The following NDFIP1 variants were observed in gnomAD, a reference collection of about 807,000 sequenced individuals.
The protein encoded by NDFIP1 is NEDD4 family-interacting protein 1.
Under a neutral mutation model 28.8 loss-of-function variants are expected in NDFIP1, and 7 were observed. That is an observed-to-expected ratio of 0.24 (90% CI 0.14 to 0.46). The LOEUF (loss-of-function observed/expected upper bound fraction) is 0.46. NDFIP1 is among the 20% of genes least tolerant of loss of function. The probability of loss-of-function intolerance (pLI) is 0.99; values close to 1 mark genes in which losing one functional copy is unlikely to be tolerated. For missense variants in NDFIP1, 194 were observed against 269.1 expected (o/e 0.72, Z 1.95); for synonymous variants, 92 against 101.0 (o/e 0.91, Z 0.53).
At chr5:142,124,666 T>C (rs1048145459) in intron 1 of NDFIP1, among the ~76,000 whole-genome samples, 2 of 152,244 alleles carry the variant, frequency 1.3e-5, no homozygotes, top group Non-Finnish European at 2.9e-5. Flanking sequence ...ATTACTTAGT[T>C]TTTCCTTTGG....
intron 1 of NDFIP1, among the ~76,000 whole-genome samples, chr5:142,125,951 G>A (rs139894802): frequency 6.6e-6 from 1 of 152,068 alleles, no homozygotes; most frequent in African/African-American, 2.4e-5. Flanking sequence ...TTATAATTGG[G>A]TTGCCTTTTT....
chr5:142,109,398 A>G (rs969005681), intron 1 of NDFIP1, among the ~76,000 whole-genome samples: 1 of 152,358 alleles, frequency 6.6e-6, no homozygotes, highest in Admixed American at 6.5e-5. Context: ...TGGAAAAGAA[A>G]GAAAGAAAAA....
At chr5:142,137,009 T>G (rs1302059201) in intron 4 of NDFIP1, among the ~76,000 whole-genome samples, 1 of 141,494 alleles carries the variant, frequency 7.1e-6, no homozygotes, top group Non-Finnish European at 1.5e-5. Context: ...AGGCAGAGAT[T>G]GCAGTGAGCC....
chr5:142,134,083 G>C (rs932351443), intron 3 of NDFIP1: 3 of 152,218 alleles, frequency 2.0e-5, no homozygotes, highest in Non-Finnish European at 4.4e-5. Context: ...AGAAAGTCCT[G>C]ACTACAACTG....
chr5:142,146,332 G>C (rs1757388313), intron 7 of NDFIP1, among the ~76,000 whole-genome samples: 1 of 152,174 alleles, frequency 6.6e-6, no homozygotes, highest in Non-Finnish European at 1.5e-5. Flanking sequence ...ACTGGCCTGG[G>C]CCTTAATGCC....
intron 1 of NDFIP1, among the ~76,000 whole-genome samples, chr5:142,127,079 GATCTCA>G (rs1757177443): frequency 2.0e-5 from 3 of 152,080 alleles, no homozygotes; most frequent in Admixed American, 1.3e-4. Flanking sequence ...GCAGTGGCTT[GATCTCA>G]GCTTACTGTA....
At chr5:142,128,794 A>G (rs1461902101) in intron 1 of NDFIP1, among the ~76,000 whole-genome samples, 1 of 152,330 alleles carries the variant, frequency 6.6e-6, no homozygotes, top group Middle Eastern at 3.4e-3. Context: ...TTAGTGGAGC[A>G]AACTCTTCAC....
intron 7 of NDFIP1, among the ~76,000 whole-genome samples, chr5:142,145,718 G>A (rs1200480411): frequency 2.0e-5 from 3 of 152,044 alleles, no homozygotes; most frequent in Non-Finnish European, 4.4e-5. Context: ...GAGGGTCAAG[G>A]CTAAAAAGTC....
chr5:142,150,826 G>C (rs992869305), intron 7 of NDFIP1, among the ~76,000 whole-genome samples: 1 of 151,960 alleles, frequency 6.6e-6, no homozygotes, highest in Non-Finnish European at 1.5e-5. Flanking sequence ...GCCGATATTT[G>C]AGCCCATCCA....
intron 3 of NDFIP1, among the ~76,000 whole-genome samples, chr5:142,132,888 G>A (rs1383205521): frequency 6.6e-6 from 1 of 152,162 alleles, no homozygotes. Flanking sequence ...GAGATTATTG[G>A]GCACTCTTGG....
intron 1 of NDFIP1, among the ~76,000 whole-genome samples, chr5:142,123,990 A>T (rs1211356837): frequency 1.3e-5 from 2 of 152,170 alleles, no homozygotes; most frequent in African/African-American, 4.8e-5. Context: ...GAGCAGCTAG[A>T]CTTGCTATTA....
Position 142,108,929 on chromosome 5 carries a change from C to CAGCT in NDFIP1, c.-41_-38dup. ...CCAAGCCGCAGCGGCCGCGCCCCTT[C>CAGCT]AGCTAGCTCGCTCGCTCGCTCTGCT... On this transcript the variant is annotated 5_prime_UTR_variant, in exon 1 of 8. Coordinates refer to ENST00000253814, the MANE Select transcript of NDFIP1 (RefSeq NM_030571.4). 2 of 1,408,882 alleles carry CAGCT rather than the reference C, an allele frequency of 1.4e-6. No individual in the cohort carries two copies. The highest frequency in any genetic ancestry group is 1.8e-6 in the Non-Finnish European group (2 of 1,081,414). 87.3% of individuals were successfully genotyped at this position (1,408,882 alleles called of 1,614,324 possible).
At chr5:142,131,771 CT>C in intron 1 of NDFIP1, 36 bp from the exon 2 acceptor site, 1 of 1,501,710 alleles carries the variant, frequency 6.7e-7, no homozygotes, top group Non-Finnish European at 9.0e-7. Context: ...TTCTAATTGG[CT>C]TTATGCTTAC....
chr5:142,146,432 T>G (rs1218497698), intron 7 of NDFIP1, among the ~76,000 whole-genome samples: 4 of 152,244 alleles, frequency 2.6e-5, no homozygotes, highest in Non-Finnish European at 5.9e-5. Flanking sequence ...ATCTTTCATC[T>G]ATATATCAGA....
chr5:142,108,867 C>T lies in NDFIP1; in HGVS notation c.-108C>T, dbSNP rs11547549. The T allele has an allele frequency of 3.3e-5, 33 of 988,150 alleles. No individual in the cohort carries two copies. The highest frequency in any genetic ancestry group is 3.9e-5 in the Non-Finnish European group (29 of 743,564). 61.2% of individuals were successfully genotyped at this position (988,150 alleles called of 1,614,324 possible). A position where few individuals can be genotyped will look rare whatever the true frequency, so the allele number is the denominator to read the frequency against. ...CGGGAGCGGCGGCGGCCATCGAGAC[C>T]CACCCAAGGCGCGTCCCCCTCGGCC... On this transcript the variant is annotated 5_prime_UTR_variant, in exon 1 of 8. Transcript: ENST00000253814.
chr5:142,130,474 A>T (rs1419222229), intron 1 of NDFIP1, among the ~76,000 whole-genome samples: 1 of 152,192 alleles, frequency 6.6e-6, no homozygotes, highest in African/African-American at 2.4e-5. Context: ...TAATGGTAAC[A>T]TGGTTTGTCT....
At position 142,131,868 on chromosome 5, in the gene NDFIP1, T is replaced by TA; in HGVS notation, c.125dup (p.Tyr42Ter). The TA allele has an allele frequency of 1.2e-6, 2 of 1,601,672 alleles. No individual in the cohort carries two copies. Among genetic ancestry groups the TA allele is most frequent in the African/African-American group, 1.3e-5 (1 of 74,130 alleles). ...GGCTGCAGGTGATGCTCCTCCACCT[T>TA]ACAGCAGCATTTCTGCAGAGAGCGC... The part of the protein sequence containing the change: ...EQAAGDAPPP[Y>*]SSISAESAAY... Residue 42 changes from tyrosine (Y) to a stop codon, truncating the protein, a stop_gained and frameshift_variant, in exon 2 of 8, where the codon TAC becomes TAAC. Coordinates refer to ENST00000253814, the MANE Select transcript of NDFIP1 (RefSeq NM_030571.4). LOFTEE classifies it high-confidence loss of function.
At chr5:142,131,935 C>G in intron 2 of NDFIP1, 40 bp downstream of exon 2, 4 of 1,470,308 alleles carry the variant, frequency 2.7e-6, no homozygotes, top group Non-Finnish European at 3.7e-6. Flanking sequence ...TCCTTAAAAA[C>G]ACTCTGTGCT....
intron 1 of NDFIP1, among the ~76,000 whole-genome samples, chr5:142,113,032 A>G (rs951205822): frequency 2.6e-5 from 4 of 152,142 alleles, no homozygotes; most frequent in Non-Finnish European, 5.9e-5. Flanking sequence ...AATTTTGCCA[A>G]TTCATTTCAA....
Sources: allele counts gnomAD v4.1 joint callset (sites outside exome capture counted in the v4.1 genomes callset), GRCh38; gene constraint gnomAD v4.1.1; transcripts MANE v1.5; gene names NCBI Gene and HGNC (gene_info 2026-07-23, HGNC 2026-07-21).